Variants in LYN observed in about 807,000 individuals in gnomAD.
LYN encodes the protein LYN proto-oncogene, Src family tyrosine kinase, also known as tyrosine-protein kinase Lyn.
In LYN, 12 loss-of-function variants were observed where a neutral mutation model predicts 65.0. The observed-to-expected ratio is 0.18, with a 90% CI of 0.12 to 0.30. The LOEUF is 0.30. Ranked by LOEUF, LYN falls within the 10% of genes least tolerant of loss-of-function variation. The pLI is 1.00. For missense variants in LYN, 380 were observed against 623.2 expected (o/e 0.61, Z 4.16); for synonymous variants, 222 against 221.2 (o/e 1.00, Z -0.03).
intron 1 of LYN, among the ~76,000 whole-genome samples, chr8:55,921,503 C>A (rs1471249773): frequency 6.6e-6 from 1 of 152,126 alleles, no homozygotes; most frequent in Non-Finnish European, 1.5e-5. Flanking sequence ...GGACGAAATT[C>A]CAAATTGATT....
At chr8:55,882,152 G>A (rs181529748) in intron 1 of LYN, among the ~76,000 whole-genome samples, 1 of 152,266 alleles carries the variant, frequency 6.6e-6, no homozygotes, top group African/African-American at 2.4e-5. Flanking sequence ...CTTATTACTG[G>A]AAGAGAGGTC....
chr8:55,911,160 CAT>C lies in LYN; in HGVS notation c.-5-30687_-5-30686del, dbSNP rs1181794809. Among the ~76,000 whole-genome samples the C allele has an allele frequency of 1.3e-3, 27 of 21,538 alleles. No individual in the cohort carries two copies. In the Middle Eastern group the frequency reaches 0.1, roughly 80 times the overall value. 14.1% of individuals were successfully genotyped at this position (21,538 alleles called of 152,430 possible). On this transcript the variant is annotated intron_variant, in intron 1 of 12. Coordinates refer to ENST00000519728, the MANE Select transcript of LYN (RefSeq NM_002350.4). Reference sequence around the variant, plus strand: ...ATATATATACGTGTATATATATGTACATATATATACACGTATATATATATATA... The same window carrying C: ...ATATATATACGTGTATATATATGTACATATATACACGTATATATATATATA...
chr8:55,922,529 C>T (rs1035677702), intron 1 of LYN, among the ~76,000 whole-genome samples: 4 of 152,092 alleles, frequency 2.6e-5, no homozygotes, highest in Non-Finnish European at 5.9e-5. Context: ...AATCCCAGCA[C>T]TTTGGGAGGC....
chr8:55,972,190 G>A (rs191486760), intron 10 of LYN, among the ~76,000 whole-genome samples: 8 of 152,306 alleles, frequency 5.3e-5, no homozygotes, highest in Non-Finnish European at 1.2e-4. Context: ...GGAGAGTCAC[G>A]GGTCAGCAGC....
chr8:55,949,607 C>T (rs762114956), intron 4 of LYN, among the ~76,000 whole-genome samples: 7 of 152,210 alleles, frequency 4.6e-5, no homozygotes, highest in South Asian at 2.1e-4. Context: ...GGATACAGAG[C>T]GATATTTTGA....
chr8:55,984,226 G>A (rs529555643), intron 10 of LYN, among the ~76,000 whole-genome samples: 30 of 152,244 alleles, frequency 2.0e-4, no homozygotes, highest in African/African-American at 3.6e-4. Context: ...CTGAGGTTCC[G>A]GGTGGTCGTG....
chr8:55,915,683 G>C (rs1172110260), intron 1 of LYN, among the ~76,000 whole-genome samples: 1 of 152,154 alleles, frequency 6.6e-6, no homozygotes, highest in Admixed American at 6.5e-5. Flanking sequence ...TCCAGCCTGG[G>C]CGAGAAGAGC....
chr8:55,994,199 G>T lies in LYN; in HGVS notation c.1051-4147G>T, dbSNP rs181139769. ...ACAAAGACCAGGGAAAGAATAAAGA[G>T]AATGAATTAATTTTATATAAAGGGA... On this transcript the variant is annotated intron_variant, in intron 10 of 12. Transcript: ENST00000519728. Among the ~76,000 whole-genome samples, 8 of 152,314 alleles carry T rather than the reference G, an allele frequency of 5.3e-5. No homozygotes were observed. The East Asian group carries it at 1.5e-3, about 29-fold the overall frequency.
intron 1 of LYN, chr8:55,893,799 G>T (rs1585568415): frequency 6.6e-6 from 1 of 150,786 alleles, no homozygotes; most frequent in South Asian, 2.1e-4. Context: ...GTTTTGTTTT[G>T]TTTTTTTTTA....
chr8:55,932,536 C>T (rs1030106790), intron 1 of LYN, among the ~76,000 whole-genome samples: 1 of 152,102 alleles, frequency 6.6e-6, no homozygotes, highest in Non-Finnish European at 1.5e-5. Context: ...ATTCTCCTGC[C>T]TCAGCTCCTG....
In LYN at chr8:55,999,515, C is replaced by T. The variant is rs372082564; in HGVS notation, c.1302C>T (p.Tyr434=). The T allele has an allele frequency of 4.5e-5, 73 of 1,613,566 alleles. No homozygotes were observed. The highest frequency in any genetic ancestry group is 2.5e-4 in the South Asian group (23 of 91,082). ...TGTGGTCCTTTGGAATCCTCCTATACGAAATTGTCACCTATGGGAAAATTC... is the reference window on the plus strand; with the variant it reads ...TGTGGTCCTTTGGAATCCTCCTATATGAAATTGTCACCTATGGGAAAATTC... The part of the protein sequence containing the change: ...SDVWSFGILL[Y]EIVTYGKIPY... Residue 434 remains tyrosine, a synonymous_variant, in exon 12 of 13, where the codon TAC becomes TAT. Transcript: ENST00000519728.
intron 2 of LYN, among the ~76,000 whole-genome samples, chr8:55,944,169 G>A (rs1290242484): frequency 6.6e-6 from 1 of 151,992 alleles, no homozygotes; most frequent in Non-Finnish European, 1.5e-5. Flanking sequence ...AATTAACATT[G>A]TAATTTTATA....
At chr8:55,949,155 A>G (rs76089859) in intron 4 of LYN, among the ~76,000 whole-genome samples, 1,547 of 152,276 alleles carry the variant, frequency 0.01, 23 homozygotes, top group African/African-American at 0.031. Flanking sequence ...TCTTCTTTTC[A>G]TAGTGTCCAT....
intron 8 of LYN, 83 bp downstream of exon 8, chr8:55,954,067 C>T (rs1219532643): frequency 7.1e-7 from 1 of 1,416,058 alleles, no homozygotes; most frequent in Non-Finnish European, 9.8e-7. Context: ...CGATCAGCTT[C>T]TGAGCCAGAC....
intron 1 of LYN, among the ~76,000 whole-genome samples, chr8:55,905,414 AAAAAGAAAGAAAG>A (rs774424836): frequency 1.4e-4 from 21 of 151,358 alleles, no homozygotes; most frequent in East Asian, 5.9e-4. Context: ...CGTCTCAAAA[AAAAAGAAAGAAAG>A]AAAGAAAGAA....
At chr8:55,966,293 T>C (rs920251601) in intron 8 of LYN, among the ~76,000 whole-genome samples, 3 of 152,144 alleles carry the variant, frequency 2.0e-5, no homozygotes, top group African/African-American at 7.2e-5. Context: ...TATCACTACA[T>C]AGTGTTTTAA....
rs563667080 is a variant in LYN, at chr8:56,009,369, C to A, written c.1337-539C>A. On this transcript the variant is annotated intron_variant, in intron 12 of 12. Transcript: ENST00000519728. ...CTAAATTTATTTATTGAGTTGCTTG[C>A]AGAAATTTCCTTAGCTTCTATATTA... 2.6e-5 allele frequency among the ~76,000 whole-genome samples: 4 copies of A among 152,304 alleles called. No homozygotes were observed. In the East Asian group the frequency reaches 7.7e-4, roughly 29 times the overall value.
intron 1 of LYN, among the ~76,000 whole-genome samples, chr8:55,912,055 AAGGAGAGAGG>A (rs1205449858): frequency 6.6e-6 from 1 of 152,076 alleles, no homozygotes; most frequent in African/African-American, 2.4e-5. Context: ...GCTCAAATGG[AAGGAGAGAGG>A]AACAACTTAG....
At chr8:55,975,272 G>A (rs1388484037) in intron 10 of LYN, among the ~76,000 whole-genome samples, 8 of 152,192 alleles carry the variant, frequency 5.3e-5, no homozygotes, top group Non-Finnish European at 1.0e-4. Context: ...ATGTTGCCAT[G>A]ATTTTGTAAA....
Sources: allele counts gnomAD v4.1 joint callset (sites outside exome capture counted in the v4.1 genomes callset), GRCh38; gene constraint gnomAD v4.1.1; transcripts MANE v1.5; gene names NCBI Gene and HGNC (gene_info 2026-07-23, HGNC 2026-07-21).